The following PPP1R12B variants were observed in gnomAD, a reference collection of about 807,000 sequenced individuals.
PPP1R12B encodes the protein myosin phosphatase target subunit 2.
Under a neutral mutation model 126.1 loss-of-function variants are expected in PPP1R12B, and 76 were observed. The ratio of observed to expected loss-of-function variants is 0.60; its 90% CI spans 0.50 to 0.73. PPP1R12B has a LOEUF of 0.73. Ranked by LOEUF, PPP1R12B falls within the 30% of genes least tolerant of loss-of-function variation. The pLI is 0.00. For synonymous variants in PPP1R12B, 356 were observed against 434.7 expected (o/e 0.82, Z 2.25); for missense variants, 1,052 against 1,205.1 (o/e 0.87, Z 1.88).
At chr1:202,499,662 T>C (rs1315414063) in intron 18 of PPP1R12B, among the ~76,000 whole-genome samples, 1 of 152,236 alleles carries the variant, frequency 6.6e-6, no homozygotes, top group African/African-American at 2.4e-5. Context: ...CTATGGTTTT[T>C]CCCCCCTTCT....
At chr1:202,415,366 A>G (rs1275445082) in intron 1 of PPP1R12B, among the ~76,000 whole-genome samples, 4 of 152,234 alleles carry the variant, frequency 2.6e-5, no homozygotes, top group Non-Finnish European at 4.4e-5. Flanking sequence ...TGTCAATACA[A>G]TGAAAATGCA....
At position 202,396,746 on chromosome 1, in the gene PPP1R12B, G is replaced by T. The variant is rs192090707; in HGVS notation, c.292-20041G>T. On this transcript the variant is annotated intron_variant, in intron 1 of 23. Transcript: ENST00000608999. Reference sequence around the variant, plus strand: ...TCCCACCTCAGCCTCCCAAGTAGCTGGGACTATAGGTGCGTGCCATCATGC... The same window carrying T: ...TCCCACCTCAGCCTCCCAAGTAGCTTGGACTATAGGTGCGTGCCATCATGC... Among the ~76,000 whole-genome samples, 382 of 152,278 alleles carry T rather than the reference G, an allele frequency of 2.5e-3. 3 individuals are homozygous for T. Among genetic ancestry groups the T allele is most frequent in the African/African-American group, 8.9e-3 (370 of 41,548 alleles).
Position 202,588,591 on chromosome 1 carries a change from G to A in PPP1R12B, c.*8031G>A, listed in dbSNP as rs2149053227. On this transcript the variant is annotated 3_prime_UTR_variant, in exon 24 of 24. Transcript: ENST00000608999. ...TTTGTGACTGTCTCCACAGTTCAGA[G>A]CATGGGATTTCTAGAATCTCACATC... 1 of 152,646 alleles carries A rather than the reference G, an allele frequency of 6.6e-6. No individual in the cohort carries two copies. The highest frequency in any genetic ancestry group is 6.5e-5 in the Admixed American group (1 of 15,284). The allele number at this position is 152,646 out of a possible 1,614,324, so 9.5% of individuals were successfully genotyped here.
intron 3 of PPP1R12B, among the ~76,000 whole-genome samples, chr1:202,425,013 C>T (rs1359917995): frequency 6.6e-6 from 1 of 152,136 alleles, no homozygotes; most frequent in Non-Finnish European, 1.5e-5. Flanking sequence ...TTTGGATACT[C>T]ATCCTATGGT....
chr1:202,534,328 G>A (rs1239078839), intron 18 of PPP1R12B, among the ~76,000 whole-genome samples: 1 of 152,100 alleles, frequency 6.6e-6, no homozygotes, highest in Non-Finnish European at 1.5e-5. Context: ...TCTCCAGGGA[G>A]CCCTGTTCCT....
rs1412348107 is a variant in PPP1R12B at position 202,565,532 on chromosome 1, A to C, written c.2757+985A>C. Among the ~76,000 whole-genome samples the C allele has an allele frequency of 6.6e-6, 1 of 152,142 alleles. No homozygotes were observed. The highest frequency in any genetic ancestry group is 1.5e-5 in the Non-Finnish European group (1 of 68,024). ...AAACATCCTATTCTAACCCCTCTGGAATTGCATGAGCAGGAGGGTGCCAAC... is the reference window on the plus strand; with the variant it reads ...AAACATCCTATTCTAACCCCTCTGGCATTGCATGAGCAGGAGGGTGCCAAC... On this transcript the variant is annotated intron_variant, in intron 21 of 23. Transcript: ENST00000608999. This position sits in a 1 kb window ranked among gnomAD's most constrained non-coding sequence, Gnocchi z 4.3.
At chr1:202,551,556 A>G (rs1021961018) in intron 18 of PPP1R12B, among the ~76,000 whole-genome samples, 3 of 138,546 alleles carry the variant, frequency 2.2e-5, no homozygotes, top group Non-Finnish European at 4.8e-5. Flanking sequence ...TCCTTGTGAT[A>G]GTTGGAATTT....
chr1:202,405,023 G>A (rs1484496711), intron 1 of PPP1R12B, among the ~76,000 whole-genome samples: 2 of 152,160 alleles, frequency 1.3e-5, no homozygotes, highest in Non-Finnish European at 2.9e-5. Flanking sequence ...GTATAGTACA[G>A]GCCTTAGTAA....
chr1:202,575,319 C>A (rs1336415120), intron 23 of PPP1R12B: 8 of 876,826 alleles, frequency 9.1e-6, no homozygotes, highest in Non-Finnish European at 1.3e-5. Context: ...ATGGGACATA[C>A]CAGCCTAGGT....
chr1:202,393,432 GT>G (rs1343670012), intron 1 of PPP1R12B, among the ~76,000 whole-genome samples: 1 of 150,258 alleles, frequency 6.7e-6, no homozygotes, highest in African/African-American at 2.4e-5. Flanking sequence ...TTAAAAATTA[GT>G]TCTTTTTTTT....
At chr1:202,396,805 GT>G in intron 1 of PPP1R12B, among the ~76,000 whole-genome samples, 1 of 152,182 alleles carries the variant, frequency 6.6e-6, no homozygotes, top group Non-Finnish European at 1.5e-5. Context: ...TAGAGATGGG[GT>G]TTCACCATGT....
Position 202,510,497 on chromosome 1 carries a change from A to G in PPP1R12B, c.2490+13675A>G, listed in dbSNP as rs375173100. Among the ~76,000 whole-genome samples, 10 of 152,310 alleles carry G rather than the reference A, an allele frequency of 6.6e-5. No homozygotes were observed. The East Asian group carries it at 1.7e-3, about 26-fold the overall frequency. On this transcript the variant is annotated intron_variant, in intron 18 of 23. Coordinates refer to ENST00000608999, the MANE Select transcript of PPP1R12B (RefSeq NM_002481.4). ...AGAGGTATAATGTTTAGGGATTGCTAACATCCCAGGTAGGCCAATCATTAA... is the reference window on the plus strand; with the variant it reads ...AGAGGTATAATGTTTAGGGATTGCTGACATCCCAGGTAGGCCAATCATTAA...
At chr1:202,500,259 C>G (rs1049124398) in intron 18 of PPP1R12B, among the ~76,000 whole-genome samples, 1 of 152,040 alleles carries the variant, frequency 6.6e-6, no homozygotes. Flanking sequence ...CTCACTGTCT[C>G]TCTGTCTTTC....
At chr1:202,372,463 C>T (rs1231043840) in intron 1 of PPP1R12B, among the ~76,000 whole-genome samples, 1 of 151,944 alleles carries the variant, frequency 6.6e-6, no homozygotes, top group African/African-American at 2.4e-5. Flanking sequence ...GAGATCAACA[C>T]TAAACTTCAG....
chr1:202,559,026 C>T, intron 19 of PPP1R12B, 133 bp downstream of exon 19: 2 of 945,522 alleles, frequency 2.1e-6, no homozygotes, highest in Non-Finnish European at 3.1e-6. Flanking sequence ...CCACAGCCAC[C>T]ACAATAATTC....
intron 13 of PPP1R12B, among the ~76,000 whole-genome samples, chr1:202,487,286 A>G (rs928947101): frequency 5.2e-5 from 8 of 152,388 alleles, no homozygotes; most frequent in South Asian, 2.1e-4. Context: ...CCTATTTTCT[A>G]TAGGAACAGA....
chr1:202,476,303 AGTATTAGAT>A (rs1438481350), intron 13 of PPP1R12B, among the ~76,000 whole-genome samples: 1 of 151,602 alleles, frequency 6.6e-6, no homozygotes, highest in African/African-American at 2.4e-5. Flanking sequence ...CTCAGTGGTC[AGTATTAGAT>A]ATATACTATA....
chr1:202,465,036 A>G (rs1265841306), intron 13 of PPP1R12B, among the ~76,000 whole-genome samples: 1 of 152,194 alleles, frequency 6.6e-6, no homozygotes, highest in Non-Finnish European at 1.5e-5. Flanking sequence ...TAAATGCTGT[A>G]AGAGAATTAA....
intron 1 of PPP1R12B, among the ~76,000 whole-genome samples, chr1:202,356,010 C>T (rs535267259): frequency 6.6e-6 from 1 of 151,806 alleles, no homozygotes; most frequent in East Asian, 2.0e-4. Flanking sequence ...TCTCTCCAAC[C>T]CCCTCCCCAC....
Sources: gnomAD v4.1 joint callset for allele counts (sites outside exome capture counted in the v4.1 genomes callset) on GRCh38, gnomAD v4.1.1 for gene constraint, Gnocchi (gnomAD v3.1) non-coding constraint, MANE v1.5 for transcripts, NCBI Gene and HGNC (gene_info 2026-07-23, HGNC 2026-07-21) for gene names.